The following KCNH8 variants were observed in gnomAD, a reference collection of about 807,000 sequenced individuals.
KCNH8 encodes the protein voltage-gated delayed rectifier potassium channel KCNH8.
Under a neutral mutation model 103.6 loss-of-function variants are expected in KCNH8, and 70 were observed. That is an observed-to-expected ratio of 0.68 (90% CI 0.56 to 0.82). KCNH8 has a LOEUF of 0.82. Ranked by LOEUF, KCNH8 falls within the 40% of genes least tolerant of loss-of-function variation. KCNH8 has a pLI of 0.00. For missense variants in KCNH8, 1,217 were observed against 1,329.9 expected (o/e 0.92, Z 1.32); for synonymous variants, 498 against 489.4 (o/e 1.02, Z -0.23).
chr3:19,306,295 A>C (rs1019077361), intron 3 of KCNH8, among the ~76,000 whole-genome samples: 1 of 152,092 alleles, frequency 6.6e-6, no homozygotes, highest in Non-Finnish European at 1.5e-5. Flanking sequence ...AAATACAAAT[A>C]ATATGTCTCC....
At chr3:19,464,193 A>G (rs2067689972) in intron 11 of KCNH8, among the ~76,000 whole-genome samples, 1 of 152,162 alleles carries the variant, frequency 6.6e-6, no homozygotes, top group Admixed American at 6.5e-5. Context: ...TATGAATGCA[A>G]GGCTGTACAA....
At chr3:19,306,716 T>C (rs920006559) in intron 3 of KCNH8, among the ~76,000 whole-genome samples, 10 of 152,110 alleles carry the variant, frequency 6.6e-5, no homozygotes, top group African/African-American at 1.7e-4. Context: ...TATTGTTCCA[T>C]CTTCCTTGCC....
chr3:19,182,059 A>C (rs1194306589), intron 1 of KCNH8, among the ~76,000 whole-genome samples: 1 of 152,158 alleles, frequency 6.6e-6, no homozygotes, highest in Non-Finnish European at 1.5e-5. Context: ...AAAAAAACCA[A>C]ACCCCAAAAC....
At chr3:19,353,211 A>G (rs2065829343) in intron 5 of KCNH8, among the ~76,000 whole-genome samples, 1 of 152,194 alleles carries the variant, frequency 6.6e-6, no homozygotes, top group South Asian at 2.1e-4. Flanking sequence ...GAATAGACCA[A>G]TAACAGGCTA....
chr3:19,532,472 C>A (rs561411174), intron 15 of KCNH8, among the ~76,000 whole-genome samples: 1 of 152,254 alleles, frequency 6.6e-6, no homozygotes, highest in South Asian at 2.1e-4. Context: ...TTTGTAGCAT[C>A]CTCACCGTTA....
chr3:19,220,502 G>A (rs976778244), intron 1 of KCNH8, among the ~76,000 whole-genome samples: 2 of 152,212 alleles, frequency 1.3e-5, no homozygotes, highest in African/African-American at 4.8e-5. Flanking sequence ...TGTGCCCCAG[G>A]TGGTGAAACC....
intron 5 of KCNH8, among the ~76,000 whole-genome samples, chr3:19,360,670 A>C (rs1574967020): frequency 6.6e-6 from 1 of 152,170 alleles, no homozygotes; most frequent in East Asian, 1.9e-4. Flanking sequence ...CTACCTAGTC[A>C]TCTTAAAAAT....
intron 7 of KCNH8, among the ~76,000 whole-genome samples, chr3:19,437,658 T>C (rs973059409): frequency 1.3e-5 from 2 of 152,208 alleles, no homozygotes; most frequent in Non-Finnish European, 2.9e-5. Flanking sequence ...CCCAAGTGAA[T>C]ACAAAGGGGA....
intron 8 of KCNH8, among the ~76,000 whole-genome samples, chr3:19,442,114 G>A (rs2067293022): frequency 1.3e-5 from 2 of 152,200 alleles, no homozygotes; most frequent in Non-Finnish European, 2.9e-5. Flanking sequence ...CTTGGCTGAT[G>A]TAGAGCAGTG....
chr3:19,195,387 C>T (rs1248319391), intron 1 of KCNH8, among the ~76,000 whole-genome samples: 1 of 151,880 alleles, frequency 6.6e-6, no homozygotes, highest in Non-Finnish European at 1.5e-5. Flanking sequence ...ATAGGCTTTT[C>T]ATTTTCTCGA....
Position 19,154,286 on chromosome 3 carries a change from A to G in KCNH8, c.76+5491A>G, listed in dbSNP as rs531326226. On this transcript the variant is annotated intron_variant, in intron 1 of 15. Transcript: ENST00000328405. ...GTCATTGAGGCTGGAAAGAGCCTTT[A>G]GTGAGAATAAGAGGCATTTTAAAGG... Among the ~76,000 whole-genome samples, 346 of 152,318 alleles carry G rather than the reference A, an allele frequency of 2.3e-3. 1 individual carries two copies. The highest frequency in any genetic ancestry group is 4.2e-3 in the Non-Finnish European group (285 of 68,022).
intron 7 of KCNH8, among the ~76,000 whole-genome samples, chr3:19,404,497 A>C (rs1217360632): frequency 6.6e-6 from 1 of 151,880 alleles, no homozygotes; most frequent in Non-Finnish European, 1.5e-5. Flanking sequence ...CTATGACTTC[A>C]ATCACTGTTT....
At chr3:19,532,092 G>A (rs2069172138) in intron 15 of KCNH8, among the ~76,000 whole-genome samples, 1 of 152,154 alleles carries the variant, frequency 6.6e-6, no homozygotes, top group Non-Finnish European at 1.5e-5. Flanking sequence ...ACGTTTAAGT[G>A]AAATTCAATT....
At chr3:19,325,309 G>A (rs961739065) in intron 3 of KCNH8, among the ~76,000 whole-genome samples, 1 of 152,002 alleles carries the variant, frequency 6.6e-6, no homozygotes, top group African/African-American at 2.4e-5. Context: ...TCATGATGAA[G>A]ACACGAAAAG....
Position 19,533,567 on chromosome 3 carries a change from A to T in KCNH8, c.2792A>T (p.His931Leu). The T allele has an allele frequency of 6.2e-7, 1 of 1,614,180 alleles. No homozygotes were observed. The change falls in exon 16 of 16, where the codon CAC becomes CTC. Residue 931 changes from histidine to leucine, a missense_variant. His to Leu is a moderately conservative substitution (Grantham distance 99). Around this residue, in one of 3 missense-constraint regions of KCNH8, gnomAD observed 558 missense variants for 495.8 expected, o/e 1.13. Transcript: ENST00000328405. ...CAGACCAGAACGAGCTGGAGTGCAC[A>T]CCAGCCTTGCCTACACTTGCAAACA... is the stretch of plus-strand genomic sequence containing the variant. ...SLQTRTSWSAHQPCLHLQTGG... is the reference protein window; with the variant it reads ...SLQTRTSWSALQPCLHLQTGG...
At chr3:19,446,140 A>G (rs1255310761) in intron 8 of KCNH8, among the ~76,000 whole-genome samples, 1 of 152,004 alleles carries the variant, frequency 6.6e-6, no homozygotes, top group Non-Finnish European at 1.5e-5. Flanking sequence ...ATGTATAACT[A>G]TTCATATTTT....
chr3:19,509,137 T>C (rs968583685), intron 11 of KCNH8, among the ~76,000 whole-genome samples: 1 of 152,262 alleles, frequency 6.6e-6, no homozygotes, highest in Non-Finnish European at 1.5e-5. Flanking sequence ...ACAAAACTTA[T>C]GTCTAAAATG....
chr3:19,463,800 G>C (rs1040262717), intron 11 of KCNH8, among the ~76,000 whole-genome samples: 1 of 152,148 alleles, frequency 6.6e-6, no homozygotes, highest in African/African-American at 2.4e-5. Context: ...GTTCATTGTA[G>C]CTCTGCTTAT....
At chr3:19,361,879 T>C (rs979352085) in intron 5 of KCNH8, among the ~76,000 whole-genome samples, 4 of 152,124 alleles carry the variant, frequency 2.6e-5, no homozygotes, top group Non-Finnish European at 4.4e-5. Flanking sequence ...GTGACATAAT[T>C]AGGGCAGGTA....
Sources: gnomAD v4.1 joint callset for allele counts (sites outside exome capture counted in the v4.1 genomes callset) on GRCh38, gnomAD v4.1.1 for gene constraint, gnomAD v4.1.1 regional missense constraint, MANE v1.5 for transcripts, NCBI Gene and HGNC (gene_info 2026-07-23, HGNC 2026-07-21) for gene names.